TENT5D: variants seen among roughly 807,000 people sequenced by gnomAD.
The protein encoded by TENT5D is terminal nucleotidyltransferase 5D.
For synonymous variants in TENT5D, 103 were observed against 100.6 expected, an observed-to-expected ratio of 1.02 and a Z score of -0.15; for missense variants, 191 against 287.0, an observed-to-expected ratio of 0.67 and a Z score of 2.42.
chrX:80,427,470 T>TTTTATTTTTTAAA (rs1932008166), intron 1 of TENT5D, among the ~76,000 whole-genome samples: 1 of 112,540 alleles, frequency 8.9e-6, no homozygotes, highest in African/African-American at 3.2e-5. Flanking sequence ...TCTTTAAGGC[T>TTTTATTTTTTAAA]GTTTTTATTT....
intron 1 of TENT5D, among the ~76,000 whole-genome samples, chrX:80,425,190 G>A (rs978575819): frequency 2.7e-5 from 3 of 112,623 alleles, no homozygotes; most frequent in African/African-American, 9.7e-5. Flanking sequence ...ATTGTTAGAA[G>A]TTAAGAATGC....
intron 2 of TENT5D, among the ~76,000 whole-genome samples, chrX:80,341,810 C>G (rs1003760872): frequency 4.9e-5 from 5 of 102,402 alleles, no homozygotes; most frequent in Admixed American, 3.2e-4. Flanking sequence ...CTCCCGGGTT[C>G]ACGCCATTCT....
intron 2 of TENT5D, among the ~76,000 whole-genome samples, chrX:80,442,065 T>G (rs1190970045): frequency 9.0e-6 from 1 of 111,215 alleles, no homozygotes; most frequent in Non-Finnish European, 1.9e-5. Flanking sequence ...TTAAAGATTA[T>G]ATATATTGTT....
chrX:80,400,882 C>G (rs1369103039), intron 3 of TENT5D, among the ~76,000 whole-genome samples: 1 of 111,342 alleles, frequency 9.0e-6, no homozygotes, highest in African/African-American at 3.3e-5. Flanking sequence ...TCACGATTGC[C>G]TTGGCTGTTT....
At chrX:80,354,120 T>C (rs1316219524) in intron 3 of TENT5D, among the ~76,000 whole-genome samples, 2 of 111,467 alleles carry the variant, frequency 1.8e-5, no homozygotes, top group Non-Finnish European at 3.8e-5. Context: ...CGTCAGTTTT[T>C]CCTACCTGCC....
chrX:80,347,405 T>C (rs1930085896), intron 3 of TENT5D, among the ~76,000 whole-genome samples: 1 of 112,651 alleles, frequency 8.9e-6, no homozygotes, highest in Admixed American at 9.4e-5. Context: ...ATTGTGGTTT[T>C]GATTTGTATT....
intron 3 of TENT5D, among the ~76,000 whole-genome samples, chrX:80,373,085 G>A (rs754633483): frequency 1.4e-4 from 15 of 111,031 alleles, no homozygotes; most frequent in African/African-American, 4.9e-4. Flanking sequence ...GCAAAAATAT[G>A]TATGTTGCTA....
intron 3 of TENT5D, among the ~76,000 whole-genome samples, chrX:80,409,186 C>A (rs990438446): frequency 1.9e-4 from 21 of 110,719 alleles, no homozygotes; most frequent in Non-Finnish European, 7.6e-5. Flanking sequence ...TGAAAACTGG[C>A]ACAAGACAGG....
chrX:80,381,378 T>C (rs1309876593), intron 3 of TENT5D, among the ~76,000 whole-genome samples: 1 of 111,910 alleles, frequency 8.9e-6, no homozygotes, highest in Non-Finnish European at 1.9e-5. Context: ...CTTTCTCTCT[T>C]GCTGCCCTTA....
chrX:80,397,429 G>A (rs1351961444), intron 3 of TENT5D, among the ~76,000 whole-genome samples: 3 of 105,704 alleles, frequency 2.8e-5, no homozygotes, highest in South Asian at 4.5e-4. Context: ...GGGCAGAGAC[G>A]CTCCTCACTT....
chrX:80,382,084 T>C (rs1930878205), intron 3 of TENT5D, among the ~76,000 whole-genome samples: 1 of 112,053 alleles, frequency 8.9e-6, no homozygotes, highest in East Asian at 2.8e-4. Flanking sequence ...CTCCCCATCT[T>C]TGTGGTTTTA....
intron 3 of TENT5D, among the ~76,000 whole-genome samples, chrX:80,362,250 G>A (rs1930422281): frequency 9.1e-6 from 1 of 110,100 alleles, no homozygotes; most frequent in Non-Finnish European, 1.9e-5. Context: ...TCCAAGCTCC[G>A]CTTCCTGGGT....
At chrX:80,438,573 A>G (rs757345366) in intron 1 of TENT5D, 37 bp from the exon 2 acceptor site, 1 of 109,684 alleles carries the variant, frequency 9.1e-6, no homozygotes, top group Admixed American at 9.7e-5. Context: ...TATAATATCT[A>G]TTAAAGAACT....
chrX:80,380,651 G>T (rs1930843599), intron 3 of TENT5D, among the ~76,000 whole-genome samples: 1 of 111,383 alleles, frequency 9.0e-6, no homozygotes, highest in Non-Finnish European at 1.9e-5. Context: ...CCTGTATTGG[G>T]CGCATATATA....
chrX:80,410,176 G>A (rs1334025818), intron 3 of TENT5D, among the ~76,000 whole-genome samples: 1 of 109,830 alleles, frequency 9.1e-6, no homozygotes, highest in African/African-American at 3.3e-5. Context: ...TCAGGACATA[G>A]GCATGGGCAA....
At chrX:80,374,448 C>T (rs1007957571) in intron 3 of TENT5D, among the ~76,000 whole-genome samples, 1 of 111,250 alleles carries the variant, frequency 9.0e-6, no homozygotes, top group African/African-American at 3.3e-5. Flanking sequence ...AACTAATTTA[C>T]TCTCCCACCA....
In TENT5D at chrX:80,339,872, T is replaced by TAG. The variant is rs745730739; in HGVS notation, c.-206-2605_-206-2604dup. 1.7e-3 allele frequency among the ~76,000 whole-genome samples: 176 copies of TAG among 103,917 alleles called. 1 individual carries two copies. Among genetic ancestry groups the TAG allele is most frequent in the African/African-American group, 3.6e-3 (103 of 28,408 alleles). 90.2% of individuals were successfully genotyped at this position (103,917 alleles called of 115,157 possible). ...GTTATCGGAAATATATATATATATA[T>TAG]AGAGAGAGAGAGAGAGAGAGAGAGT... On this transcript the variant is annotated intron_variant, in intron 2 of 4. Coordinates refer to the TENT5D transcript ENST00000538312.
intron 3 of TENT5D, among the ~76,000 whole-genome samples, chrX:80,371,541 G>A (rs1025127718): frequency 8.9e-6 from 1 of 112,005 alleles, no homozygotes; most frequent in Non-Finnish European, 1.9e-5. Flanking sequence ...AAAATATTTT[G>A]TTTAGTGTAG....
intron 2 of TENT5D, among the ~76,000 whole-genome samples, chrX:80,336,526 CTGTT>C (rs1410183934): frequency 2.4e-4 from 26 of 109,445 alleles, no homozygotes; most frequent in Non-Finnish European, 4.4e-4. Flanking sequence ...GATTTCATCA[CTGTT>C]TGATCAGTTT....
Sources: gnomAD v4.1 joint callset for allele counts (sites outside exome capture counted in the v4.1 genomes callset) on GRCh38, gnomAD v4.1.1 for gene constraint, MANE v1.5 for transcripts, NCBI Gene and HGNC (gene_info 2026-07-23, HGNC 2026-07-21) for gene names.